The following PDE10A variants were observed in gnomAD, a reference collection of about 807,000 sequenced individuals.
The protein encoded by PDE10A is cAMP and cAMP-inhibited cGMP 3',5'-cyclic phosphodiesterase 10A.
A neutral mutation model predicts 97.7 loss-of-function variants in PDE10A; 39 were observed. The observed-to-expected ratio is 0.40, with a 90% confidence interval of 0.31 to 0.52. The LOEUF is 0.52. PDE10A is among the 20% of genes least tolerant of loss of function. The pLI, the probability that PDE10A is intolerant of heterozygous loss-of-function variation, is 0.56. For synonymous variants in PDE10A, 371 were observed against 376.8 expected (o/e 0.98, Z 0.18); for missense variants, 731 against 1,047.8 (o/e 0.70, Z 4.17).
intron 1 of PDE10A, among the ~76,000 whole-genome samples, chr6:165,597,877 G>A (rs1341213371): frequency 5.9e-5 from 9 of 152,222 alleles, no homozygotes; most frequent in Non-Finnish European, 1.2e-4. Flanking sequence ...AAAAGACTGT[G>A]AGGCTGGTAA....
intron 2 of PDE10A, among the ~76,000 whole-genome samples, chr6:165,510,237 T>G (rs1206476828): frequency 2.6e-5 from 4 of 152,024 alleles, no homozygotes; most frequent in African/African-American, 9.7e-5. Context: ...TTTATTATTT[T>G]GAAATATGTT....
At chr6:165,786,397 A>G (rs1404088609) in intron 1 of PDE10A, among the ~76,000 whole-genome samples, 1 of 152,248 alleles carries the variant, frequency 6.6e-6, no homozygotes, top group Non-Finnish European at 1.5e-5. Context: ...ACACACCAAC[A>G]TTCTTTTCCA....
rs114957593 is a variant in PDE10A at position 165,779,728 on chromosome 6, G to C, written c.-615+207801C>G. ...GACAGGGTTCTGGGCCCCTGGCAGA[G>C]CTGAATTCGTGTTCGACTGCTGTGA... On this transcript the variant is annotated intron_variant, in intron 1 of 19. Coordinates refer to the PDE10A transcript ENST00000366882. Among the ~76,000 whole-genome samples the C allele has an allele frequency of 8.6e-3, 1,302 of 152,264 alleles. 29 individuals are homozygous for C. The highest frequency in any genetic ancestry group is 0.03 in the African/African-American group (1,253 of 41,538).
intron 1 of PDE10A, among the ~76,000 whole-genome samples, chr6:165,960,059 A>G (rs1456198079): frequency 6.6e-6 from 1 of 152,234 alleles, no homozygotes; most frequent in Non-Finnish European, 1.5e-5. Context: ...AGGTACAGCC[A>G]TCCAAAATTA....
chr6:165,521,956 G>C (rs1219099727), intron 2 of PDE10A, among the ~76,000 whole-genome samples: 1 of 152,132 alleles, frequency 6.6e-6, no homozygotes, highest in South Asian at 2.1e-4. Flanking sequence ...TTATTTCACT[G>C]AGCATAATTT....
intron 3 of PDE10A, among the ~76,000 whole-genome samples, chr6:165,464,045 T>C (rs916425042): frequency 2.0e-5 from 3 of 152,202 alleles, no homozygotes; most frequent in African/African-American, 2.4e-5. Flanking sequence ...GGTAAATCTC[T>C]GTTCGGGGAT....
At chr6:165,964,202 A>C (rs1301656808) in intron 1 of PDE10A, among the ~76,000 whole-genome samples, 1 of 152,150 alleles carries the variant, frequency 6.6e-6, no homozygotes, top group Non-Finnish European at 1.5e-5. Flanking sequence ...GTTTACCCCA[A>C]ATAACTCCTG....
At chr6:165,353,596 C>T (rs1229150818) in intron 18 of PDE10A, among the ~76,000 whole-genome samples, 1 of 152,086 alleles carries the variant, frequency 6.6e-6, no homozygotes, top group Non-Finnish European at 1.5e-5. Flanking sequence ...ATGGAAGAAA[C>T]TTAAATGCAT....
intron 2 of PDE10A, among the ~76,000 whole-genome samples, chr6:165,500,971 G>C (rs952380854): frequency 6.6e-6 from 1 of 151,950 alleles, no homozygotes; most frequent in Admixed American, 6.6e-5. Context: ...ATGACACAGA[G>C]ACCTTTGTTC....
intron 1 of PDE10A, among the ~76,000 whole-genome samples, chr6:165,961,302 C>G (rs868454291): frequency 1.1e-4 from 17 of 152,314 alleles, no homozygotes; most frequent in Middle Eastern, 6.8e-3. Flanking sequence ...AGATCACAAG[C>G]CGGGCAACTT....
At position 165,645,853 on chromosome 6, in the gene PDE10A, C is replaced by CAAAAAAAAAAAA. The variant is rs57923490; in HGVS notation, c.865+16082_865+16093dup. ...TGGGCAGCAGAGCAAGACTCCATCT[C>CAAAAAAAAAAAA]AAAAAAAAAAAAAAAAGTTTACTTC... is the stretch of plus-strand genomic sequence containing the variant. On this transcript the variant is annotated intron_variant, in intron 1 of 21. Transcript: ENST00000539869. Among the ~76,000 whole-genome samples, 214 of 101,094 alleles carry CAAAAAAAAAAAA rather than the reference C, an allele frequency of 2.1e-3. 5 individuals carry two copies. The highest frequency in any genetic ancestry group is 5.5e-3 in the African/African-American group (156 of 28,596). The allele number at this position is 101,094 out of a possible 152,430, so 66.3% of individuals were successfully genotyped here.
rs1455780626 is a variant in PDE10A at position 165,846,196 on chromosome 6, A to T, written c.-615+141333T>A. Among the ~76,000 whole-genome samples the T allele has an allele frequency of 4.6e-5, 7 of 152,292 alleles. No homozygotes were observed. The East Asian group carries it at 1.4e-3, about 29-fold the overall frequency. On this transcript the variant is annotated intron_variant, in intron 1 of 19. Transcript: ENST00000366882. ...TCAGACATTTAAAGTAGATACGGTCATTTCACCTACAAGCCTGGGACAGCT... is the reference window on the plus strand; with the variant it reads ...TCAGACATTTAAAGTAGATACGGTCTTTTCACCTACAAGCCTGGGACAGCT...
chr6:165,333,238 T>TG, intron 21 of PDE10A, 111 bp from the exon 22 acceptor site: 1 of 700,082 alleles, frequency 1.4e-6, no homozygotes, highest in East Asian at 2.7e-5. Flanking sequence ...CGGCATTGTG[T>TG]GGGGCCCTCC....
chr6:165,473,481 T>G (rs1219918865), intron 3 of PDE10A, among the ~76,000 whole-genome samples: 4 of 152,000 alleles, frequency 2.6e-5, no homozygotes, highest in Non-Finnish European at 5.9e-5. Context: ...AATACAGAAA[T>G]AAGAAGAGAG....
intron 2 of PDE10A, among the ~76,000 whole-genome samples, chr6:165,539,970 G>A (rs1783331307): frequency 6.6e-6 from 1 of 151,964 alleles, no homozygotes; most frequent in Non-Finnish European, 1.5e-5. Context: ...CAAGCAAGAG[G>A]CTATTAAATG....
At chr6:165,719,070 G>A (rs561962104) in intron 1 of PDE10A, among the ~76,000 whole-genome samples, 1 of 152,098 alleles carries the variant, frequency 6.6e-6, no homozygotes, top group South Asian at 2.1e-4. Context: ...ATAGTTGGAA[G>A]TATAAAATTG....
intron 2 of PDE10A, among the ~76,000 whole-genome samples, chr6:165,536,382 A>G (rs1363582103): frequency 6.6e-6 from 1 of 151,998 alleles, no homozygotes; most frequent in African/African-American, 2.4e-5. Flanking sequence ...GGGGAAATGC[A>G]ACAGGGCATT....
At chr6:165,602,059 C>A (rs1161149155) in intron 1 of PDE10A, among the ~76,000 whole-genome samples, 3 of 152,196 alleles carry the variant, frequency 2.0e-5, no homozygotes, top group Non-Finnish European at 4.4e-5. Context: ...TTCATTCAGC[C>A]CTTTTCTTCC....
At chr6:165,881,578 T>TTTG (rs1554335250) in intron 1 of PDE10A, among the ~76,000 whole-genome samples, 2 of 150,390 alleles carry the variant, frequency 1.3e-5, no homozygotes, top group East Asian at 3.9e-4. Flanking sequence ...TTTTTTTTTT[T>TTTG]TGTATTTTTA....
Sources: gnomAD v4.1 joint callset for allele counts (sites outside exome capture counted in the v4.1 genomes callset) on GRCh38, gnomAD v4.1.1 for gene constraint, MANE v1.5 for transcripts, NCBI Gene and HGNC (gene_info 2026-07-23, HGNC 2026-07-21) for gene names.